Variants in ANKRD62 observed in about 807,000 individuals in gnomAD.
The protein encoded by ANKRD62 is ankyrin repeat domain-containing protein 62.
ANKRD62 carries 61 observed loss-of-function variants against 98.8 expected under a neutral mutation model. The ratio of observed to expected loss-of-function variants is 0.62; its 90% CI spans 0.50 to 0.76. The LOEUF is 0.76. ANKRD62 is among the 30% of genes least tolerant of loss of function. ANKRD62 has a pLI of 0.00. For missense variants in ANKRD62, 933 were observed against 1,082.9 expected (o/e 0.86, Z 1.94); for synonymous variants, 341 against 367.9 (o/e 0.93, Z 0.84).
At chr18:12,157,844 A>G in the ANKRD62 span, among the ~76,000 whole-genome samples, 1 of 152,174 alleles carries the variant, frequency 6.6e-6, no homozygotes, top group Non-Finnish European at 1.5e-5. Flanking sequence ...ATGGGCAACT[A>G]TGGGCTTCTA....
chr18:12,096,580 A>T (rs570596218), intron 4 of ANKRD62, among the ~76,000 whole-genome samples: 97 of 152,336 alleles, frequency 6.4e-4, no homozygotes, highest in Middle Eastern at 3.4e-3. Flanking sequence ...AAGGGATGTC[A>T]TATTGGTTTT....
chr18:12,173,156 A>T, the ANKRD62 span, among the ~76,000 whole-genome samples: 1 of 152,196 alleles, frequency 6.6e-6, no homozygotes, highest in Non-Finnish European at 1.5e-5. Flanking sequence ...TCAGTTGGAA[A>T]TGCAGAAATC....
At chr18:12,132,923 A>C (rs2143941254), downstream of ANKRD62, among the ~76,000 whole-genome samples, 1 of 152,294 alleles carries the variant, frequency 6.6e-6, no homozygotes, top group African/African-American at 2.4e-5. Context: ...TGAAATATAC[A>C]TAACATAAAA....
At chr18:12,131,573 G>A (rs750724928), downstream of ANKRD62, among the ~76,000 whole-genome samples, 13 of 152,150 alleles carry the variant, frequency 8.5e-5, no homozygotes, top group African/African-American at 2.2e-4. Context: ...CAGCTTGCAC[G>A]CTGAAACTGT....
chr18:12,102,199 C>T (rs1430120066), intron 6 of ANKRD62: 11 of 823,962 alleles, frequency 1.3e-5, no homozygotes, highest in East Asian at 7.3e-5. Context: ...GAGTAGAGTC[C>T]GTCACAGAGC....
Position 12,095,240 on chromosome 18 carries a change from C to T in ANKRD62, c.288C>T (p.Cys96=). 1 of 1,538,904 alleles carries T rather than the reference C, an allele frequency of 6.5e-7. No homozygotes were observed. Among genetic ancestry groups the T allele is most frequent in the Non-Finnish European group, 8.7e-7 (1 of 1,146,836 alleles). Residue 96 remains cysteine, a synonymous_variant, in exon 2 of 14, where the codon TGC becomes TGT. Transcript: ENST00000587848. ...GVVADLVARK[C]QLNLTDSENR... ...TAGCTGACCTGGTGGCCAGAAAATG[C>T]CAGCTTAACCTCACTGACAGTGAAA...
At chr18:12,112,886 G>T (rs1451592511) in intron 8 of ANKRD62, among the ~76,000 whole-genome samples, 3 of 152,132 alleles carry the variant, frequency 2.0e-5, no homozygotes, top group Non-Finnish European at 4.4e-5. Flanking sequence ...AGTGGGCAAA[G>T]GACATGAACA....
At chr18:12,154,183 A>G in the ANKRD62 span, among the ~76,000 whole-genome samples, 1 of 152,210 alleles carries the variant, frequency 6.6e-6, no homozygotes. Flanking sequence ...ATGGGAGAAA[A>G]TATTTGCAAA....
At chr18:12,095,667 A>G (rs1909167022) in intron 3 of ANKRD62, 57 bp downstream of exon 3, 1 of 1,393,628 alleles carries the variant, frequency 7.2e-7, no homozygotes, top group Admixed American at 3.1e-5. Context: ...TTTACCATTG[A>G]CATATGATTT....
chr18:12,168,183 G>A, the ANKRD62 span, among the ~76,000 whole-genome samples: 1 of 152,048 alleles, frequency 6.6e-6, no homozygotes, highest in African/African-American at 2.4e-5. Context: ...CATTGCTTTT[G>A]GTGTTTTAGT....
At chr18:12,101,860 G>A in intron 6 of ANKRD62, 1 of 601,710 alleles carries the variant, frequency 1.7e-6, no homozygotes, top group Non-Finnish European at 3.0e-6. Flanking sequence ...AAACAATCTT[G>A]TGATTAAGAG....
Position 12,126,259 on chromosome 18 carries a change from A to G in ANKRD62, c.2438A>G (p.Asp813Gly). The G allele has an allele frequency of 6.5e-7, 1 of 1,536,088 alleles. No homozygotes were observed. The highest frequency in any genetic ancestry group is 8.7e-7 in the Non-Finnish European group (1 of 1,146,828). ...ATTAATATCCAAGTCAAATGTGAAG[A>G]TACTGTAGAAAAACTTCAAGCTGAG... Reference protein sequence around the residue: ...TIINIQVKCEDTVEKLQAECR... With the variant: ...TIINIQVKCEGTVEKLQAECR... The change falls in exon 13 of 14, where the codon GAT (aspartate) becomes GGT (glycine). Residue 813 changes from aspartate to glycine, a missense_variant. Around this residue, in one of 3 missense-constraint regions of ANKRD62, gnomAD observed 362 missense variants for 434.5 expected, o/e 0.83. Coordinates refer to ENST00000587848, the MANE Select transcript of ANKRD62 (RefSeq NM_001277333.2).
chr18:12,157,566 T>A, the ANKRD62 span, among the ~76,000 whole-genome samples: 1 of 152,202 alleles, frequency 6.6e-6, no homozygotes, highest in East Asian at 1.9e-4. Flanking sequence ...GTTCATGAAT[T>A]ATCTGTTTGA....
chr18:12,140,695 C>T, the ANKRD62 span, among the ~76,000 whole-genome samples: 5 of 152,294 alleles, frequency 3.3e-5, no homozygotes, highest in South Asian at 4.1e-4. Context: ...GCTGCCTGAT[C>T]GTTCCTCTGG....
rs563323413 is a variant in ANKRD62, at chr18:12,125,349, G to C, written c.1639-111G>C. 395 of 1,016,508 alleles carry C rather than the reference G, an allele frequency of 3.9e-4. 1 individual carries two copies. The highest frequency in any genetic ancestry group is 3.3e-3 in the Middle Eastern group (11 of 3,350). 63.0% of individuals were successfully genotyped at this position (1,016,508 alleles called of 1,614,324 possible). A position where few individuals can be genotyped will look rare whatever the true frequency, so the allele number is the denominator to read the frequency against. On this transcript the variant is annotated intron_variant, in intron 12 of 13. Transcript: ENST00000587848. The stretch of plus-strand genomic sequence containing the variant: ...TTTTTTCCAGTTGGATATCCAGATG[G>C]CAACTCTTTCATTGTATAAACGTAC...
intron 6 of ANKRD62, chr18:12,102,067 G>T: frequency 1.4e-6 from 2 of 1,390,388 alleles, no homozygotes; most frequent in South Asian, 2.3e-5. Context: ...CCCAGCAAAG[G>T]TTAAAGCTGA....
At chr18:12,163,415 C>G in the ANKRD62 span, among the ~76,000 whole-genome samples, 1 of 151,938 alleles carries the variant, frequency 6.6e-6, no homozygotes, top group Non-Finnish European at 1.5e-5. Flanking sequence ...TGTGTGAAGT[C>G]TTTAGGTTTT....
At chr18:12,121,508 A>G (rs1379426452) in intron 10 of ANKRD62, among the ~76,000 whole-genome samples, 3 of 152,012 alleles carry the variant, frequency 2.0e-5, no homozygotes, top group African/African-American at 7.2e-5. Flanking sequence ...TCCACTAAAT[A>G]CTTTAGAGGG....
Position 12,103,199 on chromosome 18 carries a change from C to T in ANKRD62, c.862C>T (p.Leu288Phe), listed in dbSNP as rs1197639529. The change falls in exon 7 of 14, where the codon CTT becomes TTT. Residue 288 changes from leucine (L) to phenylalanine (F), a missense_variant. Leu to Phe is a conservative substitution (Grantham distance 22, BLOSUM62 0). This residue lies in a region of ANKRD62 where 549 missense variants were observed against 587.9 expected (regional missense o/e 0.93). Coordinates refer to ENST00000587848, the MANE Select transcript of ANKRD62 (RefSeq NM_001277333.2). ...EMTSEGEQERLEGCESSQPQV... is the reference protein window; with the variant it reads ...EMTSEGEQERFEGCESSQPQV... Reference sequence around the variant, plus strand: ...GACATCAGAGGGAGAGCAAGAAAGGCTTGAAGGATGTGAAAGTAGCCAGCC... The same window carrying T: ...GACATCAGAGGGAGAGCAAGAAAGGTTTGAAGGATGTGAAAGTAGCCAGCC... 8.8e-6 allele frequency: 12 copies of T among 1,367,848 alleles called. No homozygotes were observed. Among genetic ancestry groups the T allele is most frequent in the Non-Finnish European group, 9.5e-6 (10 of 1,052,832 alleles). The allele number at this position is 1,367,848 out of a possible 1,614,324, so 84.7% of individuals were successfully genotyped here. A position where few individuals can be genotyped will look rare whatever the true frequency, so the allele number is the denominator to read the frequency against.
Sources: gnomAD v4.1 joint callset for allele counts (sites outside exome capture counted in the v4.1 genomes callset) on GRCh38, gnomAD v4.1.1 for gene constraint, gnomAD v4.1.1 regional missense constraint, MANE v1.5 for transcripts, NCBI Gene and HGNC (gene_info 2026-07-23, HGNC 2026-07-21) for gene names.